The following CSMD1 variants were observed in gnomAD, a reference collection of about 807,000 sequenced individuals.
CSMD1 encodes CUB and sushi domain-containing protein 1.
In CSMD1, 213 loss-of-function variants were observed where a neutral mutation model predicts 417.5. That is an observed-to-expected ratio of 0.51 (90% CI 0.46 to 0.57). CSMD1 has a LOEUF of 0.57. CSMD1 is among the 20% of genes least tolerant of loss of function. The pLI, the probability that CSMD1 is intolerant of heterozygous loss-of-function variation, is 0.00. For missense variants in CSMD1, 6,923 were observed against 4,529.7 expected (o/e 1.53, Z -15.17); for synonymous variants, 2,862 against 1,736.8 (o/e 1.65, Z -16.11).
intron 3 of CSMD1, among the ~76,000 whole-genome samples, chr8:4,295,308 AATCTT>A (rs1238762117): frequency 7.2e-5 from 8 of 111,832 alleles, no homozygotes; most frequent in Admixed American, 1.9e-4. Flanking sequence ...TTATCTATAT[AATCTT>A]AAGATTATGC....
chr8:4,939,565 T>C (rs1433233482), intron 1 of CSMD1, among the ~76,000 whole-genome samples: 1 of 152,200 alleles, frequency 6.6e-6, no homozygotes, highest in Non-Finnish European at 1.5e-5. Context: ...TATCACATGA[T>C]CTTGCTTACA....
chr8:4,161,886 G>A (rs922193567), intron 3 of CSMD1, among the ~76,000 whole-genome samples: 16 of 152,024 alleles, frequency 1.1e-4, no homozygotes, highest in African/African-American at 2.9e-4. Context: ...TTTTATAATG[G>A]TTCAGTAAGT....
At chr8:4,844,559 T>A (rs971612288) in intron 1 of CSMD1, among the ~76,000 whole-genome samples, 1 of 152,176 alleles carries the variant, frequency 6.6e-6, no homozygotes, top group Non-Finnish European at 1.5e-5. Context: ...TAACCAGCCA[T>A]GAGGGGTGCA....
chr8:3,041,493 C>A (rs1039135319), intron 50 of CSMD1, among the ~76,000 whole-genome samples: 1 of 152,156 alleles, frequency 6.6e-6, no homozygotes, highest in African/African-American at 2.4e-5. Context: ...GTAATATTAT[C>A]CATAGCATCA....
At chr8:4,165,008 A>G (rs1443637833) in intron 3 of CSMD1, among the ~76,000 whole-genome samples, 4 of 152,124 alleles carry the variant, frequency 2.6e-5, no homozygotes, top group African/African-American at 4.8e-5. Context: ...ATGTTCTTGT[A>G]TGTTTTTGTC....
chr8:3,424,193 T>C (rs1034931470), intron 12 of CSMD1, among the ~76,000 whole-genome samples: 6 of 152,180 alleles, frequency 3.9e-5, no homozygotes, highest in African/African-American at 1.2e-4. Flanking sequence ...ATGATATTTG[T>C]TTAGTACAGG....
intron 41 of CSMD1, among the ~76,000 whole-genome samples, chr8:3,131,953 G>T (rs1359038730): frequency 1.3e-5 from 2 of 152,120 alleles, no homozygotes; most frequent in Admixed American, 6.5e-5. Context: ...CTAAATTCAT[G>T]GTCTTAACAG....
intron 3 of CSMD1, among the ~76,000 whole-genome samples, chr8:4,150,351 C>T (rs1490364736): frequency 2.0e-5 from 3 of 152,150 alleles, no homozygotes; most frequent in Non-Finnish European, 2.9e-5. Flanking sequence ...GCCATTCTAA[C>T]TCAGTGTCTG....
chr8:4,570,056 T>C lies in CSMD1; in HGVS notation c.302+67286A>G, dbSNP rs556254155. 9.6e-4 allele frequency among the ~76,000 whole-genome samples: 146 copies of C among 152,290 alleles called. 1 individual carries two copies. The highest frequency in any genetic ancestry group is 3.3e-3 in the Admixed American group (50 of 15,290). ...TTTTTGGACTGAGACAATGGGGTTTTCTAAATATACAATCACGTCGTCTGC... is the reference window on the plus strand; with the variant it reads ...TTTTTGGACTGAGACAATGGGGTTTCCTAAATATACAATCACGTCGTCTGC... On this transcript the variant is annotated intron_variant, in intron 2 of 69. Coordinates refer to ENST00000635120, the MANE Select transcript of CSMD1 (RefSeq NM_033225.6).
At chr8:4,732,344 C>CGCGTGTGTGTGT (rs1554461217) in intron 1 of CSMD1, among the ~76,000 whole-genome samples, 1 of 141,142 alleles carries the variant, frequency 7.1e-6, no homozygotes, top group East Asian at 2.1e-4. Flanking sequence ...ATTTCTTCTG[C>CGCGTGTGTGTGT]GTGTGTGTGT....
intron 5 of CSMD1, among the ~76,000 whole-genome samples, chr8:3,953,682 C>T (rs931524573): frequency 2.0e-5 from 3 of 151,738 alleles, no homozygotes; most frequent in South Asian, 4.2e-4. Context: ...GAAGTGATGG[C>T]GGGGAGGGGT....
At chr8:3,896,272 C>G (rs1584927978) in intron 5 of CSMD1, among the ~76,000 whole-genome samples, 1 of 152,172 alleles carries the variant, frequency 6.6e-6, no homozygotes, top group East Asian at 1.9e-4. Flanking sequence ...GAACTTGTAT[C>G]TGTCTATGAG....
intron 23 of CSMD1, among the ~76,000 whole-genome samples, chr8:3,320,180 C>T (rs115187038): frequency 7.1e-4 from 108 of 152,234 alleles, no homozygotes; most frequent in African/African-American, 2.6e-3. Flanking sequence ...AAAATAATGA[C>T]GATTATAAGA....
intron 3 of CSMD1, among the ~76,000 whole-genome samples, chr8:4,083,049 A>G (rs894386767): frequency 6.6e-6 from 1 of 151,820 alleles, no homozygotes; most frequent in African/African-American, 2.4e-5. Context: ...AGTCTTTGCT[A>G]TTGTGAATAG....
At chr8:4,159,104 C>G (rs1016223394) in intron 3 of CSMD1, among the ~76,000 whole-genome samples, 1 of 151,902 alleles carries the variant, frequency 6.6e-6, no homozygotes, top group Admixed American at 6.6e-5. Flanking sequence ...TTAGTAGAGA[C>G]GAGGCTTCTC....
chr8:4,076,402 G>A (rs897805607), intron 3 of CSMD1, among the ~76,000 whole-genome samples: 1 of 152,308 alleles, frequency 6.6e-6, no homozygotes, highest in East Asian at 1.9e-4. Flanking sequence ...AGCAGCGTAA[G>A]AATGGACTAA....
Position 4,870,958 on chromosome 8 carries a change from T to A in CSMD1, c.85+123374A>T, listed in dbSNP as rs553552642. On this transcript the variant is annotated intron_variant, in intron 1 of 69. Transcript: ENST00000635120. The stretch of plus-strand genomic sequence containing the variant: ...GATGGAGCCTCATTCAAATCCCCAG[T>A]GCTGAGAAGAGTCAGGGACTCAGGG... Among the ~76,000 whole-genome samples, 4 of 152,190 alleles carry A rather than the reference T, an allele frequency of 2.6e-5. No individual in the cohort carries two copies. In the South Asian group the frequency reaches 8.3e-4, roughly 32 times the overall value.
chr8:3,462,148 C>T (rs148048194), intron 12 of CSMD1, among the ~76,000 whole-genome samples: 5 of 151,908 alleles, frequency 3.3e-5, no homozygotes, highest in Non-Finnish European at 5.9e-5. Context: ...CCCAGCTGCT[C>T]GGGACCCACA....
At chr8:4,232,646 A>G (rs190634449) in intron 3 of CSMD1, among the ~76,000 whole-genome samples, 42 of 152,278 alleles carry the variant, frequency 2.8e-4, no homozygotes, top group Admixed American at 2.6e-3. Flanking sequence ...TTTCATCACT[A>G]AATCTTACTT....
Sources: allele counts gnomAD v4.1 joint callset (sites outside exome capture counted in the v4.1 genomes callset), GRCh38; gene constraint gnomAD v4.1.1; transcripts MANE v1.5; gene names NCBI Gene and HGNC (gene_info 2026-07-23, HGNC 2026-07-21).